WDR70: variants seen among roughly 807,000 people sequenced by gnomAD.
The protein encoded by WDR70 is WD repeat-containing protein 70.
In WDR70, 53 loss-of-function variants were observed where a neutral mutation model predicts 88.6. The ratio of observed to expected loss-of-function variants is 0.60; its 90% CI spans 0.48 to 0.75. The LOEUF (loss-of-function observed/expected upper bound fraction) is 0.75. WDR70 is among the 30% of genes least tolerant of loss of function. WDR70 has a pLI of 0.00. For missense variants in WDR70, 610 were observed against 823.2 expected, an observed-to-expected ratio of 0.74 and a Z score of 3.17; for synonymous variants, 280 against 270.0, an observed-to-expected ratio of 1.04 and a Z score of -0.36.
chr5:37,402,366 G>A (rs956540956), intron 5 of WDR70, among the ~76,000 whole-genome samples: 8 of 150,436 alleles, frequency 5.3e-5, no homozygotes, highest in East Asian at 2.0e-4. Context: ...TGATGGACAC[G>A]TAGGTTGATT....
chr5:37,541,467 C>G (rs1741813068), intron 9 of WDR70, among the ~76,000 whole-genome samples: 2 of 152,164 alleles, frequency 1.3e-5, no homozygotes, highest in South Asian at 4.1e-4. Context: ...TTTACCTCCT[C>G]AGTGTTTGTT....
intron 17 of WDR70, among the ~76,000 whole-genome samples, chr5:37,738,029 T>TA (rs56082932): frequency 0.28 from 39,985 of 142,058 alleles, 5,856 homozygotes; most frequent in East Asian, 0.48. Context: ...GCCTAATATT[T>TA]AAAAAAAAAA....
At chr5:37,684,251 C>G (rs936354200) in intron 10 of WDR70, among the ~76,000 whole-genome samples, 2 of 152,112 alleles carry the variant, frequency 1.3e-5, no homozygotes, top group African/African-American at 4.8e-5. Flanking sequence ...ATTTCTGCAC[C>G]TCAGTGATCT....
chr5:37,633,992 T>C (rs1414001190), intron 10 of WDR70, among the ~76,000 whole-genome samples: 2 of 151,906 alleles, frequency 1.3e-5, no homozygotes, highest in Non-Finnish European at 2.9e-5. Context: ...AGAGTATTTT[T>C]CAATATTTTA....
intron 5 of WDR70, among the ~76,000 whole-genome samples, chr5:37,408,461 G>A (rs1284487631): frequency 6.6e-6 from 1 of 152,036 alleles, no homozygotes; most frequent in Non-Finnish European, 1.5e-5. Context: ...GAGACAGAGC[G>A]AGACACTTGG....
At chr5:37,417,895 C>G (rs1749811293) in intron 5 of WDR70, among the ~76,000 whole-genome samples, 1 of 152,184 alleles carries the variant, frequency 6.6e-6, no homozygotes, top group Admixed American at 6.6e-5. Flanking sequence ...TGGTAAACAT[C>G]TGTCAATTTA....
intron 10 of WDR70, among the ~76,000 whole-genome samples, chr5:37,649,882 C>T (rs1312174006): frequency 8.9e-5 from 13 of 145,318 alleles, no homozygotes; most frequent in Admixed American, 2.7e-4. Flanking sequence ...GGACTACAGG[C>T]GCCCGCCACC....
intron 17 of WDR70, among the ~76,000 whole-genome samples, chr5:37,734,447 T>C (rs1748241001): frequency 6.6e-6 from 1 of 152,148 alleles, no homozygotes; most frequent in African/African-American, 2.4e-5. Flanking sequence ...ATGTGTTAGA[T>C]ACTGTTCTAA....
chr5:37,388,434 T>TTTC (rs1448521345), intron 3 of WDR70, among the ~76,000 whole-genome samples: 1 of 150,802 alleles, frequency 6.6e-6, no homozygotes, highest in Non-Finnish European at 1.5e-5. Context: ...GACTTTTTTT[T>TTTC]TTTTTTAGAA....
intron 7 of WDR70, among the ~76,000 whole-genome samples, chr5:37,472,445 T>C (rs934697272): frequency 2.6e-5 from 4 of 152,104 alleles, no homozygotes; most frequent in African/African-American, 9.7e-5. Context: ...ATGTATTTCA[T>C]TGCATGAATA....
rs1284859677 is a variant in WDR70 at position 37,639,240 on chromosome 5, T to C, written c.1092+34002T>C. On this transcript the variant is annotated intron_variant, in intron 10 of 17. Transcript: ENST00000265107. ...TTCCTGACAATTTTACACATTCTGA[T>C]CATGTGATTAAGACTCAGTGAAGCA... 2.6e-5 allele frequency among the ~76,000 whole-genome samples: 4 copies of C among 152,208 alleles called. No homozygotes were observed. In the East Asian group the frequency reaches 5.8e-4, roughly 22 times the overall value.
At chr5:37,740,024 G>A (rs1040549948) in intron 17 of WDR70, among the ~76,000 whole-genome samples, 1 of 152,152 alleles carries the variant, frequency 6.6e-6, no homozygotes, top group African/African-American at 2.4e-5. Flanking sequence ...TTGTGGACCA[G>A]CTTTTAAGTG....
intron 9 of WDR70, among the ~76,000 whole-genome samples, chr5:37,547,684 GATT>G (rs1431363231): frequency 5.9e-5 from 9 of 151,988 alleles, no homozygotes; most frequent in Non-Finnish European, 1.3e-4. Flanking sequence ...ACGATTAAAT[GATT>G]ATTGACTATA....
intron 10 of WDR70, among the ~76,000 whole-genome samples, chr5:37,617,732 A>G (rs1744384434): frequency 6.6e-6 from 1 of 152,198 alleles, no homozygotes; most frequent in African/African-American, 2.4e-5. Context: ...CAAGGGCTTT[A>G]TTTACCTGCA....
At chr5:37,576,906 T>A (rs1451155219) in intron 9 of WDR70, among the ~76,000 whole-genome samples, 1 of 152,054 alleles carries the variant, frequency 6.6e-6, no homozygotes. Context: ...AGACAGGGAG[T>A]TCAGCTCAGT....
Position 37,577,206 on chromosome 5 carries a change from C to G in WDR70, c.918-27858C>G, listed in dbSNP as rs553260975. 2.0e-5 allele frequency among the ~76,000 whole-genome samples: 3 copies of G among 152,120 alleles called. No individual in the cohort carries two copies. The South Asian group carries it at 6.2e-4, about 32-fold the overall frequency. On this transcript the variant is annotated intron_variant, in intron 9 of 17. Coordinates refer to ENST00000265107, the MANE Select transcript of WDR70 (RefSeq NM_018034.4). Reference sequence around the variant, plus strand: ...ATAGTTTACAGGCAGTCCTTTGAAGCTGACAGAATAAAACTTATAGGATGA... The same window carrying G: ...ATAGTTTACAGGCAGTCCTTTGAAGGTGACAGAATAAAACTTATAGGATGA...
chr5:37,672,767 G>A (rs1044890585), intron 10 of WDR70, among the ~76,000 whole-genome samples: 7 of 152,022 alleles, frequency 4.6e-5, no homozygotes, highest in South Asian at 2.1e-4. Context: ...TATGCTGAGC[G>A]CTGGTCTCCT....
chr5:37,661,319 T>G (rs1745695349), intron 10 of WDR70, among the ~76,000 whole-genome samples: 1 of 152,132 alleles, frequency 6.6e-6, no homozygotes, highest in African/African-American at 2.4e-5. Flanking sequence ...AACGCTTTCT[T>G]TTTCTCTGTG....
chr5:37,678,375 G>T (rs970601204), intron 10 of WDR70, among the ~76,000 whole-genome samples: 1 of 152,168 alleles, frequency 6.6e-6, no homozygotes, highest in Non-Finnish European at 1.5e-5. Context: ...GGTACCAGTT[G>T]TTCTTTTCCA....
Sources: gnomAD v4.1 joint callset for allele counts (sites outside exome capture counted in the v4.1 genomes callset) on GRCh38, gnomAD v4.1.1 for gene constraint, MANE v1.5 for transcripts, NCBI Gene and HGNC (gene_info 2026-07-23, HGNC 2026-07-21) for gene names.